The following PRDM16 variants were observed in gnomAD, a reference collection of about 807,000 sequenced individuals.
The protein encoded by PRDM16 is histone-lysine N-methyltransferase PRDM16.
PRDM16 carries 23 observed loss-of-function variants against 110.6 expected under a neutral mutation model. The ratio of observed to expected loss-of-function variants is 0.21; its 90% CI spans 0.15 to 0.29. The LOEUF is 0.29. PRDM16 is among the 10% of genes least tolerant of loss of function. PRDM16 has a pLI of 1.00. For missense variants in PRDM16, 1,615 were observed against 1,794.3 expected (o/e 0.90, Z 1.81); for synonymous variants, 799 against 781.8 (o/e 1.02, Z -0.37).
At chr1:3,312,614 G>C (rs530980886) in intron 3 of PRDM16, among the ~76,000 whole-genome samples, 1 of 152,356 alleles carries the variant, frequency 6.6e-6, no homozygotes, top group South Asian at 2.1e-4. Context: ...TCCGGTGAGG[G>C]GCTTTCGGAA....
intron 2 of PRDM16, among the ~76,000 whole-genome samples, chr1:3,225,971 C>G (rs71634329): frequency 6.6e-6 from 1 of 152,242 alleles, no homozygotes; most frequent in African/African-American, 2.4e-5. Flanking sequence ...GCATCCGTGC[C>G]TCAGCCCTTA....
At chr1:3,368,169 GT>G (rs760811765) in intron 3 of PRDM16, among the ~76,000 whole-genome samples, 188 of 152,312 alleles carry the variant, frequency 1.2e-3, no homozygotes, top group Non-Finnish European at 1.9e-3. Flanking sequence ...GAACCTGCTG[GT>G]CCTTCCAGAG....
rs140904674 is a variant in PRDM16, at chr1:3,274,725, C to G, written c.438+30588C>G. On this transcript the variant is annotated intron_variant, in intron 3 of 16. Coordinates refer to ENST00000270722, the MANE Select transcript of PRDM16 (RefSeq NM_022114.4). ...GTCTGCACAAAGTCGCTGGAGCTGA[C>G]ACCCAGCAAGTTTGGTAGCCATTAG... 1.3e-4 allele frequency among the ~76,000 whole-genome samples: 20 copies of G among 152,352 alleles called. No homozygotes were observed. In the East Asian group the frequency reaches 3.9e-3, roughly 29 times the overall value.
chr1:3,306,698 C>T (rs1557594837), intron 3 of PRDM16: 1 of 152,222 alleles, frequency 6.6e-6, no homozygotes, highest in South Asian at 2.1e-4. Flanking sequence ...CACACGCAAA[C>T]AATGCACCCC....
intron 3 of PRDM16, among the ~76,000 whole-genome samples, chr1:3,267,072 G>C (rs1030864257): frequency 1.6e-4 from 24 of 152,170 alleles, no homozygotes; most frequent in African/African-American, 5.8e-4. Flanking sequence ...TGGACAGTCA[G>C]CAGTATCTAG....
At chr1:3,219,188 C>A (rs532122108) in intron 2 of PRDM16, among the ~76,000 whole-genome samples, 2 of 152,348 alleles carry the variant, frequency 1.3e-5, no homozygotes, top group South Asian at 4.1e-4. Flanking sequence ...ACAAACGGCT[C>A]CCTCGGCAAA....
At position 3,370,259 on chromosome 1, in the gene PRDM16, T is replaced by C. The variant is rs1217605736; in HGVS notation, c.439-14893T>C. On this transcript the variant is annotated intron_variant, in intron 3 of 16. Transcript: ENST00000270722. The surrounding 1 kb of genome is among the most constrained non-coding windows in gnomAD (Gnocchi z 4.8). ...TAACACTTTCCAGAGGACAATGATC[T>C]GGAAAATGTTGCAACTCTGATTTCC... Among the ~76,000 whole-genome samples, 2 of 152,080 alleles carry C rather than the reference T, an allele frequency of 1.3e-5. No individual in the cohort carries two copies. Among genetic ancestry groups the C allele is most frequent in the Non-Finnish European group, 2.9e-5 (2 of 68,026 alleles).
At chr1:3,392,942 T>A (rs1301122576) in intron 4 of PRDM16, among the ~76,000 whole-genome samples, 2 of 152,248 alleles carry the variant, frequency 1.3e-5, no homozygotes, top group Non-Finnish European at 2.9e-5. Context: ...ACAGTTTGAA[T>A]TCGGAGGACC....
intron 8 of PRDM16, 139 bp from the exon 9 acceptor site, chr1:3,411,245 C>T: frequency 1.3e-6 from 1 of 782,572 alleles, no homozygotes; most frequent in South Asian, 1.8e-5. Flanking sequence ...TGCCCACGCA[C>T]ATGCACCCAG....
intron 8 of PRDM16, among the ~76,000 whole-genome samples, chr1:3,408,503 C>A (rs867934986): frequency 6.7e-6 from 1 of 148,634 alleles, no homozygotes; most frequent in Non-Finnish European, 1.5e-5. Context: ...AGTGTGGGCG[C>A]GTGCACCGGT....
At chr1:3,162,385 T>A (rs12084545) in intron 1 of PRDM16, among the ~76,000 whole-genome samples, 9,165 of 152,194 alleles carry the variant, frequency 0.06, 779 homozygotes, top group East Asian at 0.23. Flanking sequence ...TTTCTTTCCC[T>A]GTGGATAGGC....
At chr1:3,347,870 T>C (rs1049947252) in intron 3 of PRDM16, among the ~76,000 whole-genome samples, 5 of 152,240 alleles carry the variant, frequency 3.3e-5, no homozygotes, top group Non-Finnish European at 7.4e-5. Context: ...AGGGGTTCCT[T>C]GTGCAAAGCA....
chr1:3,360,512 G>T (rs72633306), intron 3 of PRDM16, among the ~76,000 whole-genome samples: 10 of 152,168 alleles, frequency 6.6e-5, no homozygotes, highest in African/African-American at 2.4e-4. Context: ...GTCCAAGTGC[G>T]GGATGGACTG....
At chr1:3,432,460 G>A (rs1011790221) in intron 16 of PRDM16, among the ~76,000 whole-genome samples, 9 of 152,218 alleles carry the variant, frequency 5.9e-5, no homozygotes, top group Admixed American at 2.0e-4. Flanking sequence ...AGCCGCCTTC[G>A]TCTCCCTCCC....
intron 3 of PRDM16, among the ~76,000 whole-genome samples, chr1:3,304,886 G>A (rs1332081350): frequency 6.6e-6 from 1 of 152,068 alleles, no homozygotes; most frequent in Non-Finnish European, 1.5e-5. Flanking sequence ...CTCCCAGGTG[G>A]ACCCTATTCC....
chr1:3,380,570 T>G (rs1316539807), intron 3 of PRDM16, among the ~76,000 whole-genome samples: 10 of 152,136 alleles, frequency 6.6e-5, no homozygotes, highest in Admixed American at 6.5e-4. Context: ...TCTCCAGGCC[T>G]CTGCACCCGA....
rs950588223 is a variant in PRDM16, at chr1:3,201,464, AG to A, written c.387+14993del. On this transcript the variant is annotated intron_variant, in intron 2 of 16. Coordinates refer to ENST00000270722, the MANE Select transcript of PRDM16 (RefSeq NM_022114.4). The surrounding 1 kb of genome is among the most constrained non-coding windows in gnomAD (Gnocchi z 4.1). ...GGCCCCACACCAGAGCTCCCACCGC[AG>A]GGCCCAGCCTCCTGCTCACTGGGAT... 1.1e-4 allele frequency among the ~76,000 whole-genome samples: 16 copies of A among 152,240 alleles called. No individual in the cohort carries two copies. The highest frequency in any genetic ancestry group is 3.9e-4 in the African/African-American group (16 of 41,556).
chr1:3,361,152 G>A (rs896011518), intron 3 of PRDM16, among the ~76,000 whole-genome samples: 1 of 152,252 alleles, frequency 6.6e-6, no homozygotes, highest in Non-Finnish European at 1.5e-5. Context: ...GGCGTGGACA[G>A]AGGGTGCCAC....
At chr1:3,325,494 C>T (rs1283516824) in intron 3 of PRDM16, among the ~76,000 whole-genome samples, 1 of 152,216 alleles carries the variant, frequency 6.6e-6, no homozygotes, top group Non-Finnish European at 1.5e-5. Flanking sequence ...AAGCCCTGAC[C>T]ACCGGCCAGA....
Sources: allele counts gnomAD v4.1 joint callset (sites outside exome capture counted in the v4.1 genomes callset), GRCh38; gene constraint gnomAD v4.1.1; non-coding constraint Gnocchi (gnomAD v3.1); transcripts MANE v1.5; gene names NCBI Gene and HGNC (gene_info 2026-07-23, HGNC 2026-07-21).